The following DST variants were observed in gnomAD, a reference collection of about 807,000 sequenced individuals.
The protein encoded by DST is bullous pemphigoid antigen.
Under a neutral mutation model 875.2 loss-of-function variants are expected in DST, and 253 were observed. The observed-to-expected ratio is 0.29, with a 90% CI of 0.26 to 0.32. DST has a LOEUF of 0.32. Ranked by LOEUF, DST falls within the 10% of genes least tolerant of loss-of-function variation. DST has a pLI of 1.00. For missense variants in DST, 8,287 were observed against 9,111.6 expected (o/e 0.91, Z 3.68); for synonymous variants, 3,124 against 3,197.1 (o/e 0.98, Z 0.77).
intron 36 of DST, chr6:56,615,253 G>GT (rs1563201742): frequency 2.0e-6 from 2 of 1,002,080 alleles, no homozygotes; most frequent in Non-Finnish European, 2.6e-6. Flanking sequence ...CACATTCTAC[G>GT]TAAAAAAAAA....
chr6:56,537,529 C>T (rs2097031574), intron 61 of DST, among the ~76,000 whole-genome samples: 2 of 152,238 alleles, frequency 1.3e-5, no homozygotes. Flanking sequence ...GCATGTGCTG[C>T]AATAGTATGG....
At chr6:56,780,643 T>G (rs941787694) in intron 4 of DST, among the ~76,000 whole-genome samples, 4 of 151,724 alleles carry the variant, frequency 2.6e-5, no homozygotes, top group Admixed American at 6.6e-5. Context: ...GTCAGATGAG[T>G]AGGTTGCAAA....
At position 56,650,108 on chromosome 6, in the gene DST, C is replaced by T. The variant is rs983514428; in HGVS notation, c.1434+818G>A. Among the ~76,000 whole-genome samples, 5 of 152,078 alleles carry T rather than the reference C, an allele frequency of 3.3e-5. No individual in the cohort carries two copies. The East Asian group carries it at 9.7e-4, about 29-fold the overall frequency. ...TATGGAAACAGGTCTAGAAACAGCA[C>T]AGAGAACTGACAGAAGCAATCAGAA... On this transcript the variant is annotated intron_variant, in intron 12 of 103. Coordinates refer to ENST00000680361, the MANE Select transcript of DST (RefSeq NM_001374736.1).
chr6:56,510,555 T>C (rs184442926), intron 73 of DST, among the ~76,000 whole-genome samples: 6 of 152,160 alleles, frequency 3.9e-5, no homozygotes, highest in East Asian at 1.9e-4. Context: ...AAAGGTTCCA[T>C]AGACAATTAA....
intron 3 of DST, among the ~76,000 whole-genome samples, chr6:56,862,136 T>A (rs959673425): frequency 1.7e-4 from 26 of 152,140 alleles, no homozygotes; most frequent in African/African-American, 6.0e-4. Flanking sequence ...AAGAAAGCTC[T>A]GCCACAACCA....
rs1460186031 is a variant in DST at position 56,572,865 on chromosome 6, A to C, written c.13436T>G (p.Val4479Gly). Residue 4479 changes from valine to glycine, a missense_variant, in exon 52 of 104, where the codon GTA (valine) becomes GGA (glycine). Coordinates refer to ENST00000680361, the MANE Select transcript of DST (RefSeq NM_001374736.1). ...TTCTGAGAGGTTCTCAAACAGTTCT[A>C]CTTTGGTTTTTAGCTCCTCCATTTT... ...LAKMEELKTK[V>G]ELFENLSEKL... 1 of 1,613,386 alleles carries C rather than the reference A, an allele frequency of 6.2e-7. No homozygotes were observed. The highest frequency in any genetic ancestry group is 1.1e-5 in the South Asian group (1 of 91,022).
chr6:56,719,673 C>T (rs985486954), intron 5 of DST, among the ~76,000 whole-genome samples: 6 of 152,146 alleles, frequency 3.9e-5, no homozygotes, highest in African/African-American at 1.4e-4. Context: ...CACGTAGGTT[C>T]TTTTCTATTT....
intron 3 of DST, among the ~76,000 whole-genome samples, chr6:56,887,642 G>T (rs1785243634): frequency 6.6e-6 from 1 of 151,886 alleles, no homozygotes; most frequent in East Asian, 1.9e-4. Context: ...AGAATTTAAG[G>T]TTTTTTTTAT....
Position 56,604,996 on chromosome 6 carries a change from G to T in DST, c.9632C>A (p.Ala3211Asp). The change falls in exon 40 of 104, where the codon GCC becomes GAC. Residue 3211 changes from alanine to aspartate, a missense_variant. By Grantham distance (126) the Ala-to-Asp change is moderately radical (BLOSUM62 -2). Around this residue, in one of 10 missense-constraint regions of DST, gnomAD observed 3,138 missense variants for 3,116.6 expected, o/e 1.01. Coordinates refer to ENST00000680361, the MANE Select transcript of DST (RefSeq NM_001374736.1). ...TTGTAAATGTTCTTTCATGGGAGGGGCAGTTATTAAAACATGGCTTGGGAC... is the reference window on the plus strand; with the variant it reads ...TTGTAAATGTTCTTTCATGGGAGGGTCAGTTATTAAAACATGGCTTGGGAC... ...EDVPSHVLIT[A>D]PPMKEHLQLG... 1 of 1,612,814 alleles carries T rather than the reference G, an allele frequency of 6.2e-7. No homozygotes were observed. Among genetic ancestry groups the T allele is most frequent in the Non-Finnish European group, 8.5e-7 (1 of 1,179,228 alleles).
In DST at chr6:56,780,518, T is replaced by C. The variant is rs2099690999; in HGVS notation, c.626-45229A>G. 3.3e-5 allele frequency among the ~76,000 whole-genome samples: 5 copies of C among 152,174 alleles called. No homozygotes were observed. In the South Asian group the frequency reaches 8.3e-4, roughly 25 times the overall value. On this transcript the variant is annotated intron_variant, in intron 4 of 103. Transcript: ENST00000680361. Reference sequence around the variant, plus strand: ...TTCATGTGTCTTTTGGCTGCATAAATGTCTTCTTTTGAGAAGTGTCTGTTC... The same window carrying C: ...TTCATGTGTCTTTTGGCTGCATAAACGTCTTCTTTTGAGAAGTGTCTGTTC...
In DST at chr6:56,628,047, A is replaced by C. The variant is rs35014998; in HGVS notation, c.4590T>G (p.Asn1530Lys). 4.4e-3 allele frequency: 7,089 copies of C among 1,613,758 alleles called. 224 individuals are homozygous for C. The African/African-American group carries it at 0.078, about 18-fold the overall frequency. The change falls in exon 33 of 104, where the codon AAT becomes AAG. Residue 1530 changes from asparagine (N) to lysine (K), a missense_variant. Physicochemically the swap from Asn to Lys is moderately conservative, Grantham distance 94 (BLOSUM62 0). Around this residue, in one of 10 missense-constraint regions of DST, gnomAD observed 3,138 missense variants for 3,116.6 expected, o/e 1.01. Coordinates refer to ENST00000680361, the MANE Select transcript of DST (RefSeq NM_001374736.1). ...CTAGGGTTTTACTATTTTCAGGCTGATTTTCCTGAATCTTTCTCTGAGTAG... is the reference window on the plus strand; with the variant it reads ...CTAGGGTTTTACTATTTTCAGGCTGCTTTTCCTGAATCTTTCTCTGAGTAG... ...VETTQRKIQE[N>K]QPENSKTLAT...
intron 2 of DST, among the ~76,000 whole-genome samples, chr6:56,912,982 A>G (rs1306471964): frequency 6.6e-6 from 1 of 152,176 alleles, no homozygotes; most frequent in Non-Finnish European, 1.5e-5. Flanking sequence ...ATTTATAGCT[A>G]CCTCCTACAT....
intron 4 of DST, among the ~76,000 whole-genome samples, chr6:56,772,632 C>T (rs1413762033): frequency 6.6e-6 from 1 of 152,152 alleles, no homozygotes; most frequent in African/African-American, 2.4e-5. Flanking sequence ...GAATCAGGGT[C>T]AATTAGTGGA....
At chr6:56,676,669 C>T (rs1332039122) in intron 9 of DST, among the ~76,000 whole-genome samples, 2 of 138,914 alleles carry the variant, frequency 1.4e-5, no homozygotes, top group Non-Finnish European at 3.1e-5. Context: ...GTGATATATA[C>T]AAACAATACA....
chr6:56,900,988 G>C (rs1793802512), intron 2 of DST, among the ~76,000 whole-genome samples: 1 of 151,996 alleles, frequency 6.6e-6, no homozygotes, highest in African/African-American at 2.4e-5. Flanking sequence ...AGAGTGTAGG[G>C]AGCGGGACAG....
intron 61 of DST, among the ~76,000 whole-genome samples, chr6:56,551,037 A>G (rs1474671417): frequency 2.0e-5 from 3 of 152,226 alleles, no homozygotes; most frequent in Admixed American, 1.3e-4. Context: ...AGAACTAAAT[A>G]CAGAATCACA....
chr6:56,487,248 T>A lies in DST; in HGVS notation c.20903A>T (p.Lys6968Met), dbSNP rs1211645513. 6.3e-7 allele frequency: 1 copy of A among 1,580,576 alleles called. No individual in the cohort carries two copies. Among genetic ancestry groups the A allele is most frequent in the Non-Finnish European group, 8.6e-7 (1 of 1,164,258 alleles). The change falls in exon 87 of 104, where the codon AAG becomes ATG. Residue 6968 changes from lysine (K) to methionine (M), a missense_variant. Lys to Met is a moderately conservative substitution (Grantham distance 95). Coordinates refer to ENST00000680361, the MANE Select transcript of DST (RefSeq NM_001374736.1). The part of the protein sequence containing the change: ...HKEFQKSLGA[K>M]HSVYDTTNRT... ...GTTGGTGGTGTCGTAGACAGAATGC[T>A]TGGCTCCGAGTGATTTCTGAAACTC...
intron 39 of DST, 71 bp from the exon 40 acceptor site, chr6:56,609,415 G>GT: frequency 1.8e-6 from 2 of 1,102,748 alleles, no homozygotes; most frequent in Non-Finnish European, 2.6e-6. Context: ...TGCAACTTAG[G>GT]TTTTTTAAAA....
At chr6:56,583,836 C>G (rs903735469) in intron 49 of DST, among the ~76,000 whole-genome samples, 1 of 152,152 alleles carries the variant, frequency 6.6e-6, no homozygotes, top group Non-Finnish European at 1.5e-5. Context: ...TTTCCCAGCA[C>G]CATTTATTAA....
Sources: gnomAD v4.1 joint callset for allele counts (sites outside exome capture counted in the v4.1 genomes callset) on GRCh38, gnomAD v4.1.1 for gene constraint, gnomAD v4.1.1 regional missense constraint, MANE v1.5 for transcripts, NCBI Gene and HGNC (gene_info 2026-07-23, HGNC 2026-07-21) for gene names.